Variants in RAP1GDS1 observed in about 807,000 individuals in gnomAD.
The protein encoded by RAP1GDS1 is RAP1, GTP-GDP dissociation stimulator 1.
In RAP1GDS1, 35 loss-of-function variants were observed where a neutral mutation model predicts 71.1. That is an observed-to-expected ratio of 0.49 (90% CI 0.38 to 0.65). The LOEUF is 0.65. Among genes scored for constraint, RAP1GDS1 ranks in the 30% least tolerant of loss-of-function variants. RAP1GDS1 has a pLI of 0.00. For synonymous variants in RAP1GDS1, 229 were observed against 243.1 expected, an observed-to-expected ratio of 0.94 and a Z score of 0.54; for missense variants, 663 against 706.1, an observed-to-expected ratio of 0.94 and a Z score of 0.69.
rs1420583649 is a variant in RAP1GDS1 at position 98,442,768 on chromosome 4, T to C, written c.*651T>C. ...TCCATATTTAATTGACTATTATCAA[T>C]AGCCTGATATTGAAAAACATTTGTA... On this transcript the variant is annotated 3_prime_UTR_variant, in exon 15 of 15. Transcript: ENST00000408927. 1 of 228,526 alleles carries C rather than the reference T, an allele frequency of 4.4e-6. No homozygotes were observed. The highest frequency in any genetic ancestry group is 8.7e-6 in the Non-Finnish European group (1 of 115,122). The allele number at this position is 228,526 out of a possible 1,614,324, so 14.2% of individuals were successfully genotyped here.
At chr4:98,383,563 A>C (rs1417524248) in intron 5 of RAP1GDS1, among the ~76,000 whole-genome samples, 2 of 151,370 alleles carry the variant, frequency 1.3e-5, no homozygotes, top group African/African-American at 2.4e-5. Flanking sequence ...TATTTGTCGC[A>C]TGGGCTGATG....
chr4:98,312,875 C>T (rs1025680511), intron 2 of RAP1GDS1, among the ~76,000 whole-genome samples: 18 of 151,332 alleles, frequency 1.2e-4, no homozygotes, highest in African/African-American at 3.9e-4. Context: ...CGAGACCATC[C>T]TGGCTAACAT....
intron 2 of RAP1GDS1, among the ~76,000 whole-genome samples, chr4:98,300,423 G>A (rs528893712): frequency 5.3e-5 from 8 of 149,550 alleles, no homozygotes; most frequent in Admixed American, 2.0e-4. Flanking sequence ...TTTTTGAGGC[G>A]GAGTCTTGCA....
chr4:98,372,459 G>A (rs560050661), intron 4 of RAP1GDS1, among the ~76,000 whole-genome samples: 15 of 151,974 alleles, frequency 9.9e-5, no homozygotes, highest in Admixed American at 9.2e-4. Flanking sequence ...GAGCCCTCGT[G>A]CCCAGCCCAT....
chr4:98,263,516 T>G (rs1386792188), intron 1 of RAP1GDS1, among the ~76,000 whole-genome samples: 1 of 152,256 alleles, frequency 6.6e-6, no homozygotes, highest in Non-Finnish European at 1.5e-5. Flanking sequence ...ACTCTTTGGT[T>G]AATCTGTCTC....
chr4:98,302,153 A>C (rs889711461), intron 2 of RAP1GDS1, among the ~76,000 whole-genome samples: 6 of 152,214 alleles, frequency 3.9e-5, no homozygotes, highest in African/African-American at 1.4e-4. Flanking sequence ...TTTTCCATCT[A>C]AGCCATCTGT....
intron 12 of RAP1GDS1, 148 bp from the exon 13 acceptor site, chr4:98,433,785 TTTC>T (rs1337383497): frequency 5.9e-6 from 4 of 675,526 alleles, no homozygotes; most frequent in African/African-American, 5.5e-5. Flanking sequence ...GCTTTTTCCT[TTTC>T]TTCTGTGGAG....
chr4:98,353,996 CT>C (rs1737583594), intron 4 of RAP1GDS1, among the ~76,000 whole-genome samples: 1 of 151,468 alleles, frequency 6.6e-6, no homozygotes, highest in Non-Finnish European at 1.5e-5. Context: ...CTGATTATTA[CT>C]GTTTTTATTC....
intron 6 of RAP1GDS1, 39 bp downstream of exon 6, chr4:98,392,119 T>C (rs1178211825): frequency 6.4e-7 from 1 of 1,559,882 alleles, no homozygotes; most frequent in African/African-American, 1.4e-5. Context: ...AATTAACTTA[T>C]TAATGTGCTT....
intron 4 of RAP1GDS1, among the ~76,000 whole-genome samples, chr4:98,359,565 G>A (rs1186415472): frequency 6.6e-6 from 1 of 152,104 alleles, no homozygotes; most frequent in Non-Finnish European, 1.5e-5. Flanking sequence ...AATTGGGGCT[G>A]TAGGACATGT....
At chr4:98,349,024 A>G (rs2110412577) in intron 3 of RAP1GDS1, among the ~76,000 whole-genome samples, 1 of 152,244 alleles carries the variant, frequency 6.6e-6, no homozygotes, top group African/African-American at 2.4e-5. Context: ...TTGGTGTTTT[A>G]GACATGAAGT....
In RAP1GDS1 at chr4:98,327,135, T is replaced by C. The variant is rs1355681690; in HGVS notation, c.113-16004T>C. On this transcript the variant is annotated intron_variant, in intron 2 of 14. Coordinates refer to ENST00000408927, the MANE Select transcript of RAP1GDS1 (RefSeq NM_001100427.2). ...CTTCCAGTATATCCTAACTGATATA[T>C]ACAAATTGTAACATTTTTTTAAAAA... is the stretch of plus-strand genomic sequence containing the variant. 2.0e-5 allele frequency among the ~76,000 whole-genome samples: 3 copies of C among 152,060 alleles called. No individual in the cohort carries two copies. In the East Asian group the frequency reaches 5.8e-4, roughly 29 times the overall value.
At chr4:98,372,591 T>A (rs1177589573) in intron 4 of RAP1GDS1, among the ~76,000 whole-genome samples, 1 of 152,256 alleles carries the variant, frequency 6.6e-6, no homozygotes, top group Non-Finnish European at 1.5e-5. Flanking sequence ...TCAATCACCT[T>A]ACTGTACAGT....
intron 1 of RAP1GDS1, among the ~76,000 whole-genome samples, chr4:98,262,111 A>AG (rs1560736354): frequency 5.9e-5 from 9 of 152,242 alleles, no homozygotes. Flanking sequence ...TTATTTTCCA[A>AG]GGGGGAGAGC....
chr4:98,321,607 C>A (rs1177000196), intron 2 of RAP1GDS1, among the ~76,000 whole-genome samples: 2 of 151,606 alleles, frequency 1.3e-5, no homozygotes, highest in African/African-American at 4.9e-5. Context: ...AGAGTGGGGG[C>A]CAATATTCAA....
At chr4:98,329,240 T>G (rs998707781) in intron 2 of RAP1GDS1, among the ~76,000 whole-genome samples, 2 of 152,232 alleles carry the variant, frequency 1.3e-5, no homozygotes, top group Non-Finnish European at 2.9e-5. Flanking sequence ...ATTTCTACCT[T>G]TGTTCATAAA....
chr4:98,356,602 A>T (rs1282404753), intron 4 of RAP1GDS1, among the ~76,000 whole-genome samples: 1 of 152,118 alleles, frequency 6.6e-6, no homozygotes, highest in Non-Finnish European at 1.5e-5. Context: ...ACACCGAGGA[A>T]GAATAATGTA....
chr4:98,319,334 A>T (rs1285559800), intron 2 of RAP1GDS1, among the ~76,000 whole-genome samples: 2 of 152,158 alleles, frequency 1.3e-5, no homozygotes, highest in Non-Finnish European at 2.9e-5. Flanking sequence ...GTACTCCCTT[A>T]TTAGCATATA....
chr4:98,395,410 T>A (rs1340667980), intron 6 of RAP1GDS1, among the ~76,000 whole-genome samples: 1 of 152,182 alleles, frequency 6.6e-6, no homozygotes, highest in East Asian at 1.9e-4. Flanking sequence ...ACTTGCTAAC[T>A]GATGTTTTAA....
Sources: allele counts gnomAD v4.1 joint callset (sites outside exome capture counted in the v4.1 genomes callset), GRCh38; gene constraint gnomAD v4.1.1; transcripts MANE v1.5; gene names NCBI Gene and HGNC (gene_info 2026-07-23, HGNC 2026-07-21).